HIGD2B: variants seen among roughly 807,000 people sequenced by gnomAD.
The protein encoded by HIGD2B is HIG1 hypoxia inducible domain family member 2B, also known as HIG1 domain family member 2B.
For synonymous variants in HIGD2B, 45 were observed against 28.1 expected, an observed-to-expected ratio of 1.60 and a Z score of -1.90; for missense variants, 106 against 67.0, an observed-to-expected ratio of 1.58 and a Z score of -2.03.
Position 72,680,207 on chromosome 15 carries a change from G to A in HIGD2B, c.-192-14C>T, listed in dbSNP as rs2064734798. On this transcript the variant is annotated splice_polypyrimidine_tract_variant and intron_variant, in intron 1 of 2. Transcript: ENST00000311755. ...TGACCTCAGTAGCTAGAGGAAAAGT[G>A]GTTAAACAAAATAAAGAAGTTAGAA... is the stretch of plus-strand genomic sequence containing the variant. 6.3e-6 allele frequency: 1 copy of A among 157,902 alleles called. No homozygotes were observed. Among genetic ancestry groups the A allele is most frequent in the Admixed American group, 6.5e-5 (1 of 15,476 alleles). The allele number at this position is 157,902 out of a possible 1,614,324, so 9.8% of individuals were successfully genotyped here. A position where few individuals can be genotyped will look rare whatever the true frequency, so the allele number is the denominator to read the frequency against.
At chr15:72,677,540 T>A (rs1048009136) in intron 2 of HIGD2B, among the ~76,000 whole-genome samples, 1 of 152,048 alleles carries the variant, frequency 6.6e-6, no homozygotes, top group African/African-American at 2.4e-5. Flanking sequence ...GGCAAGAGGA[T>A]CACTTGAACC....
intron 1 of HIGD2B, among the ~76,000 whole-genome samples, chr15:72,680,923 G>C (rs1477562111): frequency 6.6e-6 from 1 of 152,084 alleles, no homozygotes; most frequent in African/African-American, 2.4e-5. Context: ...TGAGACCTGA[G>C]ATAGTGAGAG....
intron 1 of HIGD2B, among the ~76,000 whole-genome samples, chr15:72,680,646 G>T (rs2064739377): frequency 6.6e-6 from 1 of 152,206 alleles, no homozygotes; most frequent in African/African-American, 2.4e-5. Flanking sequence ...CAGCACTTTG[G>T]GAGGCTGAGG....
chr15:72,680,759 A>T (rs112601261), intron 1 of HIGD2B, among the ~76,000 whole-genome samples: 107 of 152,282 alleles, frequency 7.0e-4, no homozygotes, highest in African/African-American at 2.4e-3. Flanking sequence ...GTGGTGGCAG[A>T]TGCCTGTAAT....
At chr15:72,676,498 T>C (rs1162699508) in intron 2 of HIGD2B, 111 bp from the exon 3 acceptor site, 18 of 596,762 alleles carry the variant, frequency 3.0e-5, no homozygotes, top group African/African-American at 9.3e-5. Flanking sequence ...TCTGCCTCCC[T>C]GGTCCCAGTT....
In HIGD2B at chr15:72,676,376, C is replaced by T. The variant is rs1380478326; in HGVS notation, c.-2G>A. The T allele has an allele frequency of 2.7e-6, 2 of 742,328 alleles. No homozygotes were observed. Among genetic ancestry groups the T allele is most frequent in the Admixed American group, 1.9e-5 (1 of 53,850 alleles). The allele number at this position is 742,328 out of a possible 1,614,324, so 46.0% of individuals were successfully genotyped here. ...AGTCACAAAGCCGAGAGTCGCCATG[C>T]CTAGGCCACAGCTGCAGGAGAAAAT... is the stretch of plus-strand genomic sequence containing the variant. On this transcript the variant is annotated 5_prime_UTR_variant, in exon 3 of 3. Coordinates refer to ENST00000311755, the MANE Select transcript of HIGD2B (RefSeq NM_001350932.3).
In HIGD2B at chr15:72,676,233, C is replaced by T. The variant is rs970457053; in HGVS notation, c.142G>A (p.Val48Met). The T allele has an allele frequency of 1.3e-6, 1 of 767,108 alleles. No homozygotes were observed. Among genetic ancestry groups the T allele is most frequent in the East Asian group, 2.4e-5 (1 of 41,224 alleles). 47.5% of individuals were successfully genotyped at this position (767,108 alleles called of 1,614,324 possible). A position where few individuals can be genotyped will look rare whatever the true frequency, so the allele number is the denominator to read the frequency against. Reference sequence around the variant, plus strand: ...GTGCACAGGAAACCTATGGGTACCACCGGATTCTCGCGGGTCTTGCGAAGG... The same window carrying T: ...GTGCACAGGAAACCTATGGGTACCATCGGATTCTCGCGGGTCTTGCGAAGG... Reference protein sequence around the residue: ...KFLRKTRENPVVPIGFLCTAA... With the variant: ...KFLRKTRENPMVPIGFLCTAA... The change falls in exon 3 of 3, where the codon GTG (valine) becomes ATG (methionine). Residue 48 changes from valine to methionine, a missense_variant. Physicochemically the swap from Val to Met is conservative, Grantham distance 21. Coordinates refer to ENST00000311755, the MANE Select transcript of HIGD2B (RefSeq NM_001350932.3).
At chr15:72,679,109 G>A (rs755518829) in intron 2 of HIGD2B, among the ~76,000 whole-genome samples, 3 of 151,696 alleles carry the variant, frequency 2.0e-5, no homozygotes, top group Non-Finnish European at 2.9e-5. Flanking sequence ...AGTGGCTCAC[G>A]CCTGTAATCC....
At chr15:72,678,303 TC>T (rs1448652369) in intron 2 of HIGD2B, among the ~76,000 whole-genome samples, 1 of 152,050 alleles carries the variant, frequency 6.6e-6, no homozygotes, top group Non-Finnish European at 1.5e-5. Context: ...AATTTTCTTT[TC>T]TTTTTTTTTT....
intron 1 of HIGD2B, among the ~76,000 whole-genome samples, chr15:72,683,187 A>G (rs1303568162): frequency 1.3e-5 from 2 of 152,272 alleles, no homozygotes; most frequent in Non-Finnish European, 2.9e-5. Flanking sequence ...GAAGGAAAAG[A>G]TGAAAGTAGT....
intron 2 of HIGD2B, among the ~76,000 whole-genome samples, chr15:72,677,872 G>GA (rs2064709446): frequency 1.3e-5 from 2 of 152,176 alleles, no homozygotes; most frequent in South Asian, 4.1e-4. Flanking sequence ...TGGGAGAAAA[G>GA]AATACTTTTC....
chr15:72,681,674 T>A (rs546719442), intron 1 of HIGD2B, among the ~76,000 whole-genome samples: 7 of 149,924 alleles, frequency 4.7e-5, no homozygotes, highest in African/African-American at 1.5e-4. Context: ...TGGCGCGATC[T>A]CATCTCACTG....
In HIGD2B at chr15:72,675,810, T is replaced by G; in HGVS notation, c.*244A>C. The G allele has an allele frequency of 4.3e-6, 2 of 466,772 alleles. No homozygotes were observed. The highest frequency in any genetic ancestry group is 7.2e-5 in the East Asian group (2 of 27,784). 28.9% of individuals were successfully genotyped at this position (466,772 alleles called of 1,614,324 possible). A position where few individuals can be genotyped will look rare whatever the true frequency, so the allele number is the denominator to read the frequency against. On this transcript the variant is annotated 3_prime_UTR_variant, in exon 3 of 3. Transcript: ENST00000311755. ...GTGTAATTTTTTACTTTTTTCTTAT[T>G]TTTAGAGTTTATTAAGCAGGGGAGT...
intron 1 of HIGD2B, among the ~76,000 whole-genome samples, chr15:72,680,426 T>A (rs115047159): frequency 0.014 from 2,132 of 152,312 alleles, 59 homozygotes; most frequent in African/African-American, 0.048. Context: ...TGAACATTTT[T>A]AAAAAATTAT....
In HIGD2B at chr15:72,685,859, AAGG is replaced by A. The variant is rs1057204723; in HGVS notation, c.-237_-235del. 90 of 373,972 alleles carry A rather than the reference AAGG, an allele frequency of 2.4e-4. No homozygotes were observed. The highest frequency in any genetic ancestry group is 1.7e-3 in the African/African-American group (85 of 48,760). The allele number at this position is 373,972 out of a possible 1,614,324, so 23.2% of individuals were successfully genotyped here. Reference sequence around the variant, plus strand: ...ATTCTCCGCCGAAATCTCCCGGAAGAAGGACTGAATTAAATGCAGATTAGAGTC... The same window carrying A: ...ATTCTCCGCCGAAATCTCCCGGAAGAACTGAATTAAATGCAGATTAGAGTC... On this transcript the variant is annotated 5_prime_UTR_variant, in exon 1 of 3. Transcript: ENST00000311755.
chr15:72,680,479 T>G (rs1341514502), intron 1 of HIGD2B, among the ~76,000 whole-genome samples: 2 of 152,236 alleles, frequency 1.3e-5, no homozygotes, highest in African/African-American at 4.8e-5. Context: ...TTATAATCAT[T>G]TATTGTTTCA....
chr15:72,679,496 G>C (rs1400877102), intron 2 of HIGD2B, among the ~76,000 whole-genome samples: 2 of 152,132 alleles, frequency 1.3e-5, no homozygotes, highest in African/African-American at 4.8e-5. Flanking sequence ...TTATAAACTA[G>C]CCAGATGGTT....
chr15:72,681,113 A>G (rs1161860735), intron 1 of HIGD2B, among the ~76,000 whole-genome samples: 1 of 152,098 alleles, frequency 6.6e-6, no homozygotes, highest in Non-Finnish European at 1.5e-5. Flanking sequence ...CACAGACAGC[A>G]TTATTCTGAA....
Position 72,686,096 on chromosome 15 carries a change from T to A in HIGD2B, c.-471A>T. ...GAGCAGACCCTAATCCTCCCCCTGA[T>A]TCCTTAGGTCACTCGGCGATTTACT... On this transcript the variant is annotated 5_prime_UTR_variant, in exon 1 of 3. Coordinates refer to ENST00000311755, the MANE Select transcript of HIGD2B (RefSeq NM_001350932.3). 1.1e-6 allele frequency: 1 copy of A among 947,206 alleles called. No homozygotes were observed. The highest frequency in any genetic ancestry group is 1.4e-5 in the South Asian group (1 of 71,596). 58.7% of individuals were successfully genotyped at this position (947,206 alleles called of 1,614,324 possible).
Sources: gnomAD v4.1 joint callset for allele counts (sites outside exome capture counted in the v4.1 genomes callset) on GRCh38, gnomAD v4.1.1 for gene constraint, MANE v1.5 for transcripts, NCBI Gene and HGNC (gene_info 2026-07-23, HGNC 2026-07-21) for gene names.